Variants in NPAS2 observed in about 807,000 individuals in gnomAD.
NPAS2 encodes neuronal PAS domain-containing protein 2.
A neutral mutation model predicts 107.5 loss-of-function variants in NPAS2; 23 were observed. That is an observed-to-expected ratio of 0.21 (90% CI 0.15 to 0.30). NPAS2 has a LOEUF of 0.30. Ranked by LOEUF, NPAS2 falls within the 10% of genes least tolerant of loss-of-function variation. NPAS2 has a pLI of 1.00. For missense variants in NPAS2, 756 were observed against 1,043.3 expected, an observed-to-expected ratio of 0.72 and a Z score of 3.79; for synonymous variants, 403 against 417.5, an observed-to-expected ratio of 0.97 and a Z score of 0.42.
chr2:100,823,294 A>G (rs1469108046), intron 1 of NPAS2, among the ~76,000 whole-genome samples: 1 of 152,212 alleles, frequency 6.6e-6, no homozygotes, highest in African/African-American at 2.4e-5. Context: ...TTAAGGCACA[A>G]CTGCTTCTCA....
At chr2:100,973,136 G>A (rs1019204147) in intron 12 of NPAS2, among the ~76,000 whole-genome samples, 28 of 151,224 alleles carry the variant, frequency 1.9e-4, no homozygotes, top group African/African-American at 6.8e-4. Context: ...CCGAGATTGC[G>A]CCATTGCACT....
intron 1 of NPAS2, among the ~76,000 whole-genome samples, chr2:100,904,187 G>A (rs1681981726): frequency 6.6e-6 from 1 of 152,058 alleles, no homozygotes; most frequent in African/African-American, 2.4e-5. Context: ...TAGGCCACTG[G>A]GGTCCTGCAA....
chr2:100,993,545 G>A lies in NPAS2; in HGVS notation c.2292+18G>A. The A allele has an allele frequency of 6.6e-7, 1 of 1,504,902 alleles. No homozygotes were observed. Among genetic ancestry groups the A allele is most frequent in the Middle Eastern group, 1.8e-4 (1 of 5,658 alleles). The allele number at this position is 1,504,902 out of a possible 1,614,324, so 93.2% of individuals were successfully genotyped here. ...ACCTGCAGGTGGGTGCCACGGCCCA[G>A]GGGGCCCCCGTGCAGGCCTGGGAGC... On this transcript the variant is annotated intron_variant, in intron 20 of 20. Coordinates refer to ENST00000335681, the MANE Select transcript of NPAS2 (RefSeq NM_002518.4).
intron 1 of NPAS2, among the ~76,000 whole-genome samples, chr2:100,852,952 C>T (rs1008007993): frequency 1.3e-5 from 2 of 152,168 alleles, no homozygotes; most frequent in African/African-American, 4.8e-5. Flanking sequence ...CTTCCCATAG[C>T]CCTTAAAACA....
chr2:100,854,695 T>C (rs1678445542), intron 1 of NPAS2, among the ~76,000 whole-genome samples: 1 of 152,122 alleles, frequency 6.6e-6, no homozygotes, highest in African/African-American at 2.4e-5. Context: ...ACAAGTACTG[T>C]GAGTGACAAC....
At chr2:100,868,547 AAATTTTCTTTTGAAT>A (rs1214165180) in intron 1 of NPAS2, among the ~76,000 whole-genome samples, 2 of 152,148 alleles carry the variant, frequency 1.3e-5, no homozygotes, top group Non-Finnish European at 2.9e-5. Context: ...AAATTTTGGA[AAATTTTCTTTTGAAT>A]ATTTCCTAGA....
At chr2:100,946,744 T>C (rs900713519) in intron 5 of NPAS2, among the ~76,000 whole-genome samples, 3 of 152,048 alleles carry the variant, frequency 2.0e-5, no homozygotes, top group Non-Finnish European at 4.4e-5. Flanking sequence ...GCCAAATCAT[T>C]CCCAGGCAAG....
At chr2:100,888,731 T>G (rs577192972) in intron 1 of NPAS2, among the ~76,000 whole-genome samples, 1 of 152,252 alleles carries the variant, frequency 6.6e-6, no homozygotes, top group East Asian at 1.9e-4. Context: ...TCTCTCAAGC[T>G]CATGGATTTT....
intron 1 of NPAS2, chr2:100,878,432 A>G: frequency 1.0e-6 from 1 of 985,444 alleles, no homozygotes; most frequent in Non-Finnish European, 1.2e-6. Context: ...GGACAAGGAC[A>G]TGAGAAAGAC....
intron 5 of NPAS2, 98 bp downstream of exon 5, chr2:100,937,940 G>C (rs988102838): frequency 1.1e-5 from 11 of 986,982 alleles, no homozygotes; most frequent in Non-Finnish European, 1.5e-5. Flanking sequence ...GTGTCAGGGG[G>C]CTGCAGGTGA....
At chr2:100,971,990 G>T (rs1676604264) in intron 12 of NPAS2, among the ~76,000 whole-genome samples, 1 of 147,140 alleles carries the variant, frequency 6.8e-6, no homozygotes, top group African/African-American at 2.5e-5. Flanking sequence ...TGCCCCAGCT[G>T]GAGTGCAGTG....
At chr2:100,952,580 AAAC>A (rs764835918) in intron 7 of NPAS2, among the ~76,000 whole-genome samples, 1 of 152,136 alleles carries the variant, frequency 6.6e-6, no homozygotes, top group Non-Finnish European at 1.5e-5. Flanking sequence ...AAAAACAAAA[AAAC>A]AACAACAAAA....
At chr2:100,961,841 A>ATC (rs1675934341) in intron 7 of NPAS2, among the ~76,000 whole-genome samples, 1 of 152,218 alleles carries the variant, frequency 6.6e-6, no homozygotes, top group African/African-American at 2.4e-5. Context: ...TTAGAGATAG[A>ATC]TTAAGGGGGA....
chr2:100,866,490 A>T (rs1437040755), intron 1 of NPAS2, among the ~76,000 whole-genome samples: 1 of 152,204 alleles, frequency 6.6e-6, no homozygotes, highest in Non-Finnish European at 1.5e-5. Context: ...TCAGGAGCAC[A>T]AAAAAGCAAC....
rs529555971 is a variant in NPAS2, at chr2:100,842,038, T to C, written c.-23+21624T>C. 7.3e-5 allele frequency among the ~76,000 whole-genome samples: 11 copies of C among 150,854 alleles called. No individual in the cohort carries two copies. In the East Asian group the frequency reaches 2.0e-3, roughly 27 times the overall value. ...CACACATGCATGTATGCACACCATA[T>C]ACATGTGCACATGCATGTTCATGCA... On this transcript the variant is annotated intron_variant, in intron 1 of 20. Coordinates refer to ENST00000335681, the MANE Select transcript of NPAS2 (RefSeq NM_002518.4).
intron 1 of NPAS2, among the ~76,000 whole-genome samples, chr2:100,838,562 G>C (rs1002307674): frequency 6.6e-6 from 1 of 152,188 alleles, no homozygotes; most frequent in Non-Finnish European, 1.5e-5. Context: ...ACAGATGTGA[G>C]CCACCATGCC....
intron 1 of NPAS2, chr2:100,821,093 C>T: frequency 7.7e-7 from 1 of 1,304,474 alleles, no homozygotes; most frequent in Non-Finnish European, 1.0e-6. Flanking sequence ...CACCTTTGAC[C>T]TTTCTGAAGA....
intron 4 of NPAS2, among the ~76,000 whole-genome samples, chr2:100,936,676 A>G (rs1684320528): frequency 6.6e-6 from 1 of 152,162 alleles, no homozygotes; most frequent in East Asian, 1.9e-4. Flanking sequence ...AATCCCAATA[A>G]ACAATCTAAA....
chr2:100,955,832 T>C (rs898463886), intron 7 of NPAS2, among the ~76,000 whole-genome samples: 11 of 152,098 alleles, frequency 7.2e-5, no homozygotes, highest in Admixed American at 7.2e-4. Flanking sequence ...TTACCTGATG[T>C]CCCTACTCAG....
Sources: gnomAD v4.1 joint callset for allele counts (sites outside exome capture counted in the v4.1 genomes callset) on GRCh38, gnomAD v4.1.1 for gene constraint, MANE v1.5 for transcripts, NCBI Gene and HGNC (gene_info 2026-07-23, HGNC 2026-07-21) for gene names.